The following KIF23 variants were observed in gnomAD, a reference collection of about 807,000 sequenced individuals.
KIF23 encodes kinesin family member 23.
In KIF23, 30 loss-of-function variants were observed where a neutral mutation model predicts 137.5. The ratio of observed to expected loss-of-function variants is 0.22; its 90% CI spans 0.16 to 0.30. The LOEUF is 0.30. Among genes scored for constraint, KIF23 ranks in the 10% least tolerant of loss-of-function variants. KIF23 has a pLI of 1.00. For synonymous variants in KIF23, 367 were observed against 391.1 expected (o/e 0.94, Z 0.73); for missense variants, 920 against 1,194.3 (o/e 0.77, Z 3.38).
intron 6 of KIF23, 176 bp from the exon 7 acceptor site, chr15:69,422,983 G>A (rs2140328852): frequency 2.1e-6 from 1 of 472,048 alleles, no homozygotes; most frequent in Admixed American, 4.1e-5. Context: ...ATTTTTAGTA[G>A]AGACGGGGTT....
intron 16 of KIF23, 93 bp from the exon 17 acceptor site, chr15:69,439,811 A>G (rs1260299112): frequency 7.7e-6 from 7 of 913,736 alleles, no homozygotes; most frequent in Non-Finnish European, 9.4e-6. Context: ...CTTTCCACAA[A>G]TATGCTTGCA....
At chr15:69,425,738 G>A (rs913591167) in intron 8 of KIF23, 2 of 176,906 alleles carry the variant, frequency 1.1e-5, no homozygotes, top group African/African-American at 4.7e-5. Flanking sequence ...CTTAACCTGT[G>A]CATGTGATGT....
intron 3 of KIF23, among the ~76,000 whole-genome samples, chr15:69,420,500 T>C (rs367967219): frequency 6.6e-6 from 1 of 152,306 alleles, no homozygotes. Context: ...ACAGGATATT[T>C]TATTAATTGT....
At chr15:69,436,015 C>A in intron 13 of KIF23, 123 bp from the exon 14 acceptor site, 1 of 1,325,726 alleles carries the variant, frequency 7.5e-7, no homozygotes, top group Non-Finnish European at 1.0e-6. Flanking sequence ...CATGCCACTG[C>A]ACTCCAGCCT....
Position 69,436,103 on chromosome 15 carries a change from A to G in KIF23, c.1315-35A>G, listed in dbSNP as rs1567072435. Reference sequence around the variant, plus strand: ...TAATTTCTGGGACTTGGATATCCTTATTTTTTTTTAAACTCCATTTGTTTT... The same window carrying G: ...TAATTTCTGGGACTTGGATATCCTTGTTTTTTTTTAAACTCCATTTGTTTT... On this transcript the variant is annotated intron_variant, in intron 13 of 23. Transcript: ENST00000679126. The G allele has an allele frequency of 1.9e-6, 3 of 1,576,340 alleles. No homozygotes were observed. The South Asian group carries it at 3.5e-5, about 18-fold the overall frequency.
In KIF23 at chr15:69,440,941, G is replaced by A; in HGVS notation, c.2283G>A (p.Arg761=). 6.2e-7 allele frequency: 1 copy of A among 1,614,196 alleles called. No homozygotes were observed. Among genetic ancestry groups the A allele is most frequent in the Non-Finnish European group, 8.5e-7 (1 of 1,180,046 alleles). ...CTCTCAAAGTCACATCTATTGCAAGGCGTAGGCAGCAGGAGCCAGGACAAA... is the reference window on the plus strand; with the variant it reads ...CTCTCAAAGTCACATCTATTGCAAGACGTAGGCAGCAGGAGCCAGGACAAA... ...NTPLKVTSIA[R]RRQQEPGQSK... is the part of the protein sequence containing the mutation. Residue 761 remains arginine, a synonymous_variant, in exon 19 of 24, where the codon AGG becomes AGA. Transcript: ENST00000679126.
At chr15:69,445,134 G>T (rs1180448472) in intron 20 of KIF23, 93 bp downstream of exon 20, 6 of 1,171,102 alleles carry the variant, frequency 5.1e-6, no homozygotes, top group Non-Finnish European at 7.1e-6. Context: ...CACACAGGTA[G>T]TGTCAACTGG....
At chr15:69,434,729 C>T (rs758203760) in intron 11 of KIF23, 25 of 1,344,154 alleles carry the variant, frequency 1.9e-5, no homozygotes, top group Non-Finnish European at 2.6e-5. Context: ...GGATCTTCTC[C>T]TTGGGCACGA....
chr15:69,440,938 A>G lies in KIF23; in HGVS notation c.2280A>G (p.Ala760=). 1 of 1,614,198 alleles carries G rather than the reference A, an allele frequency of 6.2e-7. No homozygotes were observed. Among genetic ancestry groups the G allele is most frequent in the Non-Finnish European group, 8.5e-7 (1 of 1,180,038 alleles). Residue 760 remains alanine (A), a synonymous_variant, in exon 19 of 24, where the codon GCA becomes GCG. Transcript: ENST00000679126. ...CACCTCTCAAAGTCACATCTATTGC[A>G]AGGCGTAGGCAGCAGGAGCCAGGAC... ...YNTPLKVTSI[A]RRRQQEPGQS...
intron 22 of KIF23, 191 bp downstream of exon 22, chr15:69,446,555 C>T: frequency 1.6e-6 from 1 of 628,022 alleles, no homozygotes; most frequent in South Asian, 2.0e-5. Flanking sequence ...AGTGTTATTC[C>T]TGAGGAGAAT....
intron 11 of KIF23, chr15:69,434,569 G>T: frequency 9.2e-7 from 1 of 1,083,566 alleles, no homozygotes; most frequent in Non-Finnish European, 1.4e-6. Context: ...TTGTTGTCCT[G>T]GTCAAGATAA....
rs183192174 is a variant in KIF23, at chr15:69,438,135, C to G, written c.1598-113C>G. 1.5e-4 allele frequency: 139 copies of G among 905,462 alleles called. 1 individual carries two copies. The highest frequency in any genetic ancestry group is 1.5e-3 in the Middle Eastern group (4 of 2,748). 56.1% of individuals were successfully genotyped at this position (905,462 alleles called of 1,614,324 possible). On this transcript the variant is annotated intron_variant, in intron 15 of 23. Coordinates refer to ENST00000679126, the MANE Select transcript of KIF23 (RefSeq NM_001367805.3). ...CTTGTTTTCTCATTATAGACTGATT[C>G]TCACAGAGATTTGCTGAATAACTAC... is the stretch of plus-strand genomic sequence containing the variant.
At chr15:69,438,831 C>T (rs903457674) in intron 16 of KIF23, among the ~76,000 whole-genome samples, 6 of 151,366 alleles carry the variant, frequency 4.0e-5, no homozygotes, top group African/African-American at 9.7e-5. Context: ...AGGCTGAGTG[C>T]GGGGGCTCAT....
chr15:69,438,179 T>C (rs1181161806), intron 15 of KIF23, 69 bp from the exon 16 acceptor site: 18 of 1,359,452 alleles, frequency 1.3e-5, no homozygotes, highest in Non-Finnish European at 8.0e-6. Context: ...TAGTGTCTGC[T>C]AGCAAAAGTT....
In KIF23 at chr15:69,436,702, T is replaced by C. The variant is rs1004304540; in HGVS notation, c.1577T>C (p.Ile526Thr). The C allele has an allele frequency of 3.1e-6, 5 of 1,588,222 alleles. No homozygotes were observed. The African/African-American group carries it at 5.4e-5, about 17-fold the overall frequency. ...CGACATAACTTACGACAAATGATGA[T>C]TGATGAGTTTAACAAACAATGTAAG... ...EKRHNLRQMMIDEFNKQSNAF... is the reference protein window; with the variant it reads ...EKRHNLRQMMTDEFNKQSNAF... Residue 526 changes from isoleucine (I) to threonine (T), a missense_variant, in exon 15 of 24, where the codon ATT (isoleucine) becomes ACT (threonine). Ile to Thr is a moderately conservative substitution (Grantham distance 89). Coordinates refer to ENST00000679126, the MANE Select transcript of KIF23 (RefSeq NM_001367805.3).
At chr15:69,425,159 A>G (rs1272813121) in intron 7 of KIF23, 123 bp from the exon 8 acceptor site, 1 of 697,220 alleles carries the variant, frequency 1.4e-6, no homozygotes, top group African/African-American at 1.8e-5. Context: ...ACAATGAAAA[A>G]CTATTACAAG....
At chr15:69,436,436 G>C (rs2140381283) in intron 14 of KIF23, 128 bp from the exon 15 acceptor site, 1 of 1,191,140 alleles carries the variant, frequency 8.4e-7, no homozygotes, top group East Asian at 2.4e-5. Context: ...TCTTAGGTAA[G>C]TAAACTTATG....
intron 11 of KIF23, among the ~76,000 whole-genome samples, chr15:69,430,679 G>A (rs2057335098): frequency 6.6e-6 from 1 of 152,196 alleles, no homozygotes; most frequent in Non-Finnish European, 1.5e-5. Flanking sequence ...GATGTAAGTT[G>A]GTGAACTATG....
intron 3 of KIF23, among the ~76,000 whole-genome samples, chr15:69,419,543 C>T (rs1022954114): frequency 6.6e-6 from 1 of 152,150 alleles, no homozygotes; most frequent in Non-Finnish European, 1.5e-5. Context: ...TGGGTTTCAG[C>T]TTAAATATCA....
Sources: gnomAD v4.1 joint callset for allele counts (sites outside exome capture counted in the v4.1 genomes callset) on GRCh38, gnomAD v4.1.1 for gene constraint, MANE v1.5 for transcripts, NCBI Gene and HGNC (gene_info 2026-07-23, HGNC 2026-07-21) for gene names.